Variants in BAZ2B observed in about 807,000 individuals in gnomAD.
BAZ2B encodes bromodomain adjacent to zinc finger domain 2B.
BAZ2B carries 91 observed loss-of-function variants against 246.0 expected under a neutral mutation model. The ratio of observed to expected loss-of-function variants is 0.37; its 90% CI spans 0.31 to 0.44. The LOEUF (loss-of-function observed/expected upper bound fraction) is 0.44, where lower values mean the gene tolerates loss of function less well. Ranked by LOEUF, BAZ2B falls within the 20% of genes least tolerant of loss-of-function variation. The probability of loss-of-function intolerance (pLI) is 1.00; values close to 1 mark genes in which losing one functional copy is unlikely to be tolerated. For missense variants in BAZ2B, 2,332 were observed against 2,533.7 expected, an observed-to-expected ratio of 0.92 and a Z score of 1.71; for synonymous variants, 855 against 860.0, an observed-to-expected ratio of 0.99 and a Z score of 0.10.
At position 159,324,798 on chromosome 2, in the gene BAZ2B, A is replaced by G. The variant is rs2063229546; in HGVS notation, c.6353+13T>C. 1.4e-6 allele frequency: 2 copies of G among 1,463,376 alleles called. No individual in the cohort carries two copies. Among genetic ancestry groups the G allele is most frequent in the Non-Finnish European group, 1.8e-6 (2 of 1,107,782 alleles). The allele number at this position is 1,463,376 out of a possible 1,614,324, so 90.6% of individuals were successfully genotyped here. On this transcript the variant is annotated intron_variant, in intron 36 of 36. Coordinates refer to ENST00000392783, the MANE Select transcript of BAZ2B (RefSeq NM_013450.4). Reference sequence around the variant, plus strand: ...TTCAATAAATATTTAGTGAACTGAAATGATTTACTTACTGTCCACTACTTA... The same window carrying G: ...TTCAATAAATATTTAGTGAACTGAAGTGATTTACTTACTGTCCACTACTTA...
intron 16 of BAZ2B, among the ~76,000 whole-genome samples, 185 bp from the exon 17 acceptor site, chr2:159,400,849 G>A (rs1231306771): frequency 6.6e-6 from 1 of 152,076 alleles, no homozygotes; most frequent in Non-Finnish European, 1.5e-5. Flanking sequence ...GACCATCCTG[G>A]CTAACACAGT....
At chr2:159,424,949 C>G (rs1431069813) in intron 13 of BAZ2B, among the ~76,000 whole-genome samples, 1 of 152,086 alleles carries the variant, frequency 6.6e-6, no homozygotes, top group Admixed American at 6.6e-5. Flanking sequence ...TTGCTTCAAT[C>G]CGCAAATGCA....
intron 1 of BAZ2B, among the ~76,000 whole-genome samples, chr2:159,564,170 T>C (rs1257157644): frequency 6.6e-6 from 1 of 152,008 alleles, no homozygotes; most frequent in Non-Finnish European, 1.5e-5. Context: ...GAGAATGAAG[T>C]AAAAAGGAAC....
chr2:159,519,862 GA>G (rs2083941538), intron 2 of BAZ2B, among the ~76,000 whole-genome samples: 2 of 142,426 alleles, frequency 1.4e-5, no homozygotes, highest in African/African-American at 5.2e-5. Context: ...TTTCGTTGGT[GA>G]TCTTCCTTCT....
the BAZ2B span, among the ~76,000 whole-genome samples, chr2:159,625,440 A>C: frequency 1.3e-5 from 2 of 152,368 alleles, no homozygotes; most frequent in Middle Eastern, 3.4e-3. Flanking sequence ...AGGTCGGGTT[A>C]CCCACAAAGG....
the BAZ2B span, among the ~76,000 whole-genome samples, chr2:159,682,431 G>A: frequency 2.0e-5 from 3 of 151,964 alleles, no homozygotes; most frequent in Non-Finnish European, 4.4e-5. Context: ...TTCCTGCCTG[G>A]GCTTCCCAAA....
chr2:159,410,551 T>C (rs576893388), intron 14 of BAZ2B, among the ~76,000 whole-genome samples: 60 of 152,266 alleles, frequency 3.9e-4, no homozygotes, highest in South Asian at 8.3e-4. Flanking sequence ...CCACCATGAG[T>C]GTAAGTTCCC....
At chr2:159,541,938 A>G (rs1271005635) in intron 2 of BAZ2B, among the ~76,000 whole-genome samples, 1 of 152,238 alleles carries the variant, frequency 6.6e-6, no homozygotes, top group African/African-American at 2.4e-5. Context: ...GAAACCAGGA[A>G]AACAATGTAT....
At chr2:159,503,737 G>A (rs1357620128) in intron 2 of BAZ2B, among the ~76,000 whole-genome samples, 3 of 151,866 alleles carry the variant, frequency 2.0e-5, no homozygotes, top group Non-Finnish European at 2.9e-5. Context: ...CTCCCACCAC[G>A]CCCGGCTAAT....
At chr2:159,582,678 C>A (rs1422413813) in intron 1 of BAZ2B, among the ~76,000 whole-genome samples, 1 of 151,956 alleles carries the variant, frequency 6.6e-6, no homozygotes, top group Admixed American at 6.6e-5. Context: ...AGCCACTGGG[C>A]CTGGATGTTC....
At chr2:159,528,276 A>G (rs986205613) in intron 2 of BAZ2B, among the ~76,000 whole-genome samples, 3 of 152,200 alleles carry the variant, frequency 2.0e-5, no homozygotes, top group African/African-American at 7.2e-5. Flanking sequence ...CAGGTGAGAC[A>G]TGATGCAAAT....
At chr2:159,583,128 T>G (rs12990186) in intron 1 of BAZ2B, among the ~76,000 whole-genome samples, 4,462 of 122,832 alleles carry the variant, frequency 0.036, 58 homozygotes, top group Middle Eastern at 0.067. Context: ...TTTTTTTTTT[T>G]GTTGAGACGG....
chr2:159,430,869 G>C lies in BAZ2B; in HGVS notation c.2188C>G (p.His730Asp). The change falls in exon 10 of 37, where the codon CAC becomes GAC. Residue 730 changes from histidine to aspartate, a missense_variant. Coordinates refer to ENST00000392783, the MANE Select transcript of BAZ2B (RefSeq NM_013450.4). ...TSSSTLTSSP[H>D]SGTSKRRRVT... ...AAAAATAAAGTGTAGGTACCAGAGT[G>C]TGGGCTTGAAGTAAGTGTGGAAGAA... 6.2e-7 allele frequency: 1 copy of C among 1,613,188 alleles called. No homozygotes were observed. Among genetic ancestry groups the C allele is most frequent in the Non-Finnish European group, 8.5e-7 (1 of 1,179,496 alleles).
intron 27 of BAZ2B, among the ~76,000 whole-genome samples, chr2:159,351,891 T>C (rs1236871332): frequency 1.3e-5 from 2 of 152,228 alleles, no homozygotes; most frequent in African/African-American, 4.8e-5. Context: ...AAGGCCTTTC[T>C]ACCTATTCCT....
chr2:159,573,688 T>C (rs1684560473), intron 1 of BAZ2B, among the ~76,000 whole-genome samples: 1 of 152,218 alleles, frequency 6.6e-6, no homozygotes, highest in Non-Finnish European at 1.5e-5. Context: ...CAAAGGACAC[T>C]ATCAAGAAAG....
At chr2:159,556,078 G>C (rs1280401222) in intron 1 of BAZ2B, among the ~76,000 whole-genome samples, 2 of 152,134 alleles carry the variant, frequency 1.3e-5, no homozygotes, top group Admixed American at 1.3e-4. Context: ...TAGTATGGCA[G>C]ATCATGTTTT....
At chr2:159,467,697 T>C (rs199660643) in intron 3 of BAZ2B, among the ~76,000 whole-genome samples, 2 of 151,620 alleles carry the variant, frequency 1.3e-5, no homozygotes, top group Admixed American at 6.6e-5. Context: ...CTGGTAATGG[T>C]GGAGTGAGGT....
intron 29 of BAZ2B, 71 bp from the exon 30 acceptor site, chr2:159,348,904 G>C (rs1347326746): frequency 6.5e-7 from 1 of 1,537,344 alleles, no homozygotes; most frequent in Non-Finnish European, 8.8e-7. Context: ...GAAATAAAAA[G>C]ATTTATTAAC....
chr2:159,430,729 A>G, intron 10 of BAZ2B, 134 bp downstream of exon 10: 2 of 1,397,730 alleles, frequency 1.4e-6, no homozygotes, highest in Non-Finnish European at 1.9e-6. Flanking sequence ...ATACAGGCTC[A>G]CCTTCCTTAG....
Sources: gnomAD v4.1 joint callset for allele counts (sites outside exome capture counted in the v4.1 genomes callset) on GRCh38, gnomAD v4.1.1 for gene constraint, MANE v1.5 for transcripts, NCBI Gene and HGNC (gene_info 2026-07-23, HGNC 2026-07-21) for gene names.